ZDHHC11B: variants seen among roughly 807,000 people sequenced by gnomAD.
ZDHHC11B encodes the protein zDHHC palmitoyltransferase 11B (putative).
ZDHHC11B carries 17 observed loss-of-function variants against 42.3 expected under a neutral mutation model. The observed-to-expected ratio is 0.40, with a 90% CI of 0.27 to 0.60. The LOEUF (loss-of-function observed/expected upper bound fraction) is 0.60, where lower values mean the gene tolerates loss of function less well. Ranked by LOEUF, ZDHHC11B falls within the 20% of genes least tolerant of loss-of-function variation. The pLI is 0.41. For synonymous variants in ZDHHC11B, 123 were observed against 193.5 expected (o/e 0.64, Z 3.02); for missense variants, 262 against 463.2 (o/e 0.57, Z 3.99).
At chr5:777,992 A>G (rs1736682729) in intron 1 of ZDHHC11B, among the ~76,000 whole-genome samples, 1 of 151,856 alleles carries the variant, frequency 6.6e-6, no homozygotes. Flanking sequence ...AGGCCCCGCG[A>G]GAATTTGAGC....
At chr5:764,620 A>C (rs1029055482) in intron 4 of ZDHHC11B, among the ~76,000 whole-genome samples, 2 of 151,880 alleles carry the variant, frequency 1.3e-5, no homozygotes, top group Non-Finnish European at 2.9e-5. Context: ...CAGGACCTGC[A>C]GCCCGCCATG....
intron 13 of ZDHHC11B, among the ~76,000 whole-genome samples, chr5:712,980 T>C (rs1299026262): frequency 1.3e-5 from 2 of 150,874 alleles, no homozygotes; most frequent in African/African-American, 4.9e-5. Flanking sequence ...AATTATGTTG[T>C]GTCTAGAATT....
At chr5:724,664 CA>C in intron 12 of ZDHHC11B, among the ~76,000 whole-genome samples, 1 of 25,298 alleles carries the variant, frequency 4.0e-5, no homozygotes, top group Non-Finnish European at 1.1e-4. Context: ...CCATCAGTTA[CA>C]CACACACACA....
intron 1 of ZDHHC11B, among the ~76,000 whole-genome samples, chr5:778,644 A>G (rs1397391390): frequency 3.3e-5 from 5 of 152,136 alleles, no homozygotes; most frequent in Admixed American, 6.5e-5. Flanking sequence ...CTCTGGGCCA[A>G]TGGTGGCCCC....
intron 1 of ZDHHC11B, among the ~76,000 whole-genome samples, chr5:776,399 G>A (rs1398423091): frequency 1.3e-5 from 2 of 151,820 alleles, no homozygotes; most frequent in Admixed American, 1.3e-4. Context: ...ATCAGGACCA[G>A]GGAGAAGCAA....
intron 11 of ZDHHC11B, among the ~76,000 whole-genome samples, chr5:733,268 A>G (rs914762685): frequency 1.3e-5 from 2 of 151,328 alleles, no homozygotes. Flanking sequence ...CCCCCCACAT[A>G]TGTGCAACCA....
intron 1 of ZDHHC11B, among the ~76,000 whole-genome samples, chr5:775,990 C>T (rs1363372767): frequency 1.4e-5 from 2 of 147,576 alleles, no homozygotes; most frequent in Non-Finnish European, 3.0e-5. Context: ...GTCCTCTCTC[C>T]ATGGGCAGAT....
At chr5:736,982 G>T (rs1388769061) in intron 10 of ZDHHC11B, among the ~76,000 whole-genome samples, 2 of 141,814 alleles carry the variant, frequency 1.4e-5, no homozygotes, top group African/African-American at 5.2e-5. Flanking sequence ...AGAACTAAAT[G>T]AAATTCAAAC....
chr5:715,129 C>G (rs1317917964), intron 13 of ZDHHC11B, among the ~76,000 whole-genome samples: 1 of 150,610 alleles, frequency 6.6e-6, no homozygotes, highest in Admixed American at 6.6e-5. Flanking sequence ...TTATAAATTA[C>G]CCAGGCTCAA....
At chr5:770,018 C>G (rs556393911) in intron 1 of ZDHHC11B, among the ~76,000 whole-genome samples, 3 of 152,018 alleles carry the variant, frequency 2.0e-5, no homozygotes, top group East Asian at 3.9e-4. Context: ...CCAACTCCAG[C>G]GACAGCTTCT....
chr5:762,077 C>G (rs1386919394), intron 4 of ZDHHC11B, among the ~76,000 whole-genome samples: 1 of 151,170 alleles, frequency 6.6e-6, no homozygotes, highest in Non-Finnish European at 1.5e-5. Context: ...CAGACAGCCA[C>G]TCACAGCCCA....
intron 9 of ZDHHC11B, among the ~76,000 whole-genome samples, chr5:743,074 T>C: frequency 6.7e-6 from 1 of 149,820 alleles, no homozygotes; most frequent in East Asian, 2.1e-4. Context: ...TTCTTTTTTC[T>C]TTTCCATGTG....
At chr5:723,503 G>A (rs1480872542) in intron 12 of ZDHHC11B, among the ~76,000 whole-genome samples, 16 of 119,688 alleles carry the variant, frequency 1.3e-4, no homozygotes, top group African/African-American at 4.3e-4. Flanking sequence ...TGCAGGTTAC[G>A]GTGCCAATTA....
At chr5:731,656 T>C (rs1743027949) in intron 11 of ZDHHC11B, among the ~76,000 whole-genome samples, 1 of 151,980 alleles carries the variant, frequency 6.6e-6, no homozygotes. Context: ...CTGTGGCTGA[T>C]ATTTTCATTC....
At chr5:713,833 C>T (rs1440756628) in intron 13 of ZDHHC11B, among the ~76,000 whole-genome samples, 2 of 151,598 alleles carry the variant, frequency 1.3e-5, no homozygotes, top group Non-Finnish European at 3.0e-5. Context: ...ATGAGGGTAC[C>T]GCCCTCTGGG....
intron 6 of ZDHHC11B, among the ~76,000 whole-genome samples, chr5:754,057 G>T (rs1746161235): frequency 7.5e-6 from 1 of 133,718 alleles, no homozygotes; most frequent in Admixed American, 8.4e-5. Flanking sequence ...GTGCTCAGGG[G>T]AAACAACCTC....
chr5:721,789 G>A (rs748274655), intron 12 of ZDHHC11B, among the ~76,000 whole-genome samples: 19 of 151,850 alleles, frequency 1.3e-4, no homozygotes, highest in Non-Finnish European at 2.4e-4. Context: ...AGAGCCTTTC[G>A]TGGGAGAGAG....
intron 4 of ZDHHC11B, among the ~76,000 whole-genome samples, chr5:758,163 G>C (rs779365538): frequency 6.6e-6 from 1 of 151,870 alleles, no homozygotes; most frequent in African/African-American, 2.4e-5. Flanking sequence ...CAGGGAGCTC[G>C]TCTGGAGCCT....
intron 1 of ZDHHC11B, among the ~76,000 whole-genome samples, chr5:779,756 T>C (rs2150248836): frequency 6.6e-6 from 1 of 152,118 alleles, no homozygotes; most frequent in South Asian, 2.1e-4. Flanking sequence ...CAGAAAGCCT[T>C]GCCCTGCAGG....
Sources: gnomAD v4.1 joint callset for allele counts (sites outside exome capture counted in the v4.1 genomes callset) on GRCh38, gnomAD v4.1.1 for gene constraint, MANE v1.5 for transcripts, NCBI Gene and HGNC (gene_info 2026-07-23, HGNC 2026-07-21) for gene names.